Variants in SMARCC2 observed in about 807,000 individuals in gnomAD.
SMARCC2 encodes SWI/SNF complex subunit SMARCC2.
A neutral mutation model predicts 151.3 loss-of-function variants in SMARCC2; 15 were observed. That is an observed-to-expected ratio of 0.10 (90% CI 0.07 to 0.15). The LOEUF (loss-of-function observed/expected upper bound fraction) is 0.15. SMARCC2 is among the 10% of genes least tolerant of loss of function. The pLI, the probability that SMARCC2 is intolerant of heterozygous loss-of-function variation, is 1.00. For synonymous variants in SMARCC2, 590 were observed against 609.5 expected (o/e 0.97, Z 0.47); for missense variants, 1,031 against 1,599.7 (o/e 0.64, Z 6.06).
At chr12:56,181,680 GA>G in intron 9 of SMARCC2, 23 bp downstream of exon 9, 1 of 1,613,962 alleles carries the variant, frequency 6.2e-7, no homozygotes, top group Non-Finnish European at 8.5e-7. Context: ...AGGGCGCCAG[GA>G]AAAAAAGAAC....
intron 20 of SMARCC2, chr12:56,172,152 G>A (rs1874067855): frequency 1.8e-6 from 1 of 564,914 alleles, no homozygotes; most frequent in Non-Finnish European, 3.1e-6. Context: ...TGGTCCTGAA[G>A]CTCACTGGAG....
intron 17 of SMARCC2, 91 bp downstream of exon 17, chr12:56,173,605 C>G: frequency 8.2e-7 from 1 of 1,213,450 alleles, no homozygotes; most frequent in Non-Finnish European, 1.2e-6. Context: ...TCAAAACACT[C>G]CTGAACCATT....
At chr12:56,173,194 T>G (rs922516643) in intron 17 of SMARCC2, among the ~76,000 whole-genome samples, 165 bp from the exon 18 acceptor site, 2 of 152,220 alleles carry the variant, frequency 1.3e-5, no homozygotes, top group Admixed American at 6.5e-5. Context: ...TGGCATGATA[T>G]CCATACATAT....
At chr12:56,174,595 C>T in intron 16 of SMARCC2, 56 bp downstream of exon 16, 2 of 1,149,806 alleles carry the variant, frequency 1.7e-6, no homozygotes, top group Middle Eastern at 2.7e-4. Context: ...GTTGCCAAAA[C>T]ACATCCATAG....
rs1483267800 is a variant in SMARCC2 at position 56,177,885 on chromosome 12, C to A, written c.1382+137G>T. Reference sequence around the variant, plus strand: ...GGGCTGCCTAAAGGCAGATATTGTGCCTTTGTAAGCCTAGCATAGTGCCTG... The same window carrying A: ...GGGCTGCCTAAAGGCAGATATTGTGACTTTGTAAGCCTAGCATAGTGCCTG... On this transcript the variant is annotated intron_variant, in intron 15 of 28. Transcript: ENST00000550164. The A allele has an allele frequency of 7.9e-6, 5 of 631,070 alleles. No individual in the cohort carries two copies. The East Asian group carries it at 1.1e-4, about 14-fold the overall frequency. 39.1% of individuals were successfully genotyped at this position (631,070 alleles called of 1,614,324 possible).
Position 56,171,656 on chromosome 12 carries a change from G to A in SMARCC2, c.2185+23C>T, listed in dbSNP as rs771910567. 2.2e-5 allele frequency: 34 copies of A among 1,526,716 alleles called. No homozygotes were observed. The Middle Eastern group carries it at 9.8e-4, about 44-fold the overall frequency. The allele number at this position is 1,526,716 out of a possible 1,614,324, so 94.6% of individuals were successfully genotyped here. ...TTCAAAAGCAAACTAAGAAGGCCAG[G>A]TGGAACCACCCACCCCCATTACCTA... On this transcript the variant is annotated intron_variant, in intron 21 of 28. Coordinates refer to ENST00000550164, the MANE Select transcript of SMARCC2 (RefSeq NM_001330288.2). The surrounding 1 kb of genome is among the most constrained non-coding windows in gnomAD (Gnocchi z 4.2).
In SMARCC2 at chr12:56,165,379, TTGC is replaced by T; in HGVS notation, c.3168_3170del (p.Gln1057del). 2 of 1,505,094 alleles carry T rather than the reference TTGC, an allele frequency of 1.3e-6. No individual in the cohort carries two copies. Among genetic ancestry groups the T allele is most frequent in the Non-Finnish European group, 8.9e-7 (1 of 1,129,712 alleles). The allele number at this position is 1,505,094 out of a possible 1,614,324, so 93.2% of individuals were successfully genotyped here. On this transcript the variant is annotated inframe_deletion, in exon 27 of 29. Transcript: ENST00000550164. Reference sequence around the variant, plus strand: ...CCCCAGGCTGGGGGGCTCCAGCTGGTTGCTGCTGCTGTGGCCCTGCAGTTGACC... The same window carrying T: ...CCCCAGGCTGGGGGGCTCCAGCTGGTTGCTGCTGTGGCCCTGCAGTTGACC...
chr12:56,168,850 C>T (rs1873353089), intron 25 of SMARCC2, among the ~76,000 whole-genome samples: 2 of 151,916 alleles, frequency 1.3e-5, no homozygotes, highest in African/African-American at 2.4e-5. Flanking sequence ...CATGCTGGCA[C>T]GTGCCTGTAA....
chr12:56,181,209 T>A, intron 10 of SMARCC2, 108 bp from the exon 11 acceptor site: 4 of 1,133,598 alleles, frequency 3.5e-6, no homozygotes, highest in Non-Finnish European at 5.1e-6. Context: ...AGGGTAGAGC[T>A]GAGTACAAAC....
At chr12:56,185,877 A>G (rs1356601981) in intron 3 of SMARCC2, 1 of 431,876 alleles carries the variant, frequency 2.3e-6, no homozygotes, top group Non-Finnish European at 4.1e-6. Flanking sequence ...TCCATGAATC[A>G]CTCTCTGTGC....
In SMARCC2 at chr12:56,164,283, C is replaced by A; in HGVS notation, c.3661+20G>T. ...TGGACCCCTCTCCCTCACCCTTCTC[C>A]CCTCTTGGCCCCTTCTCACCTGGCA... On this transcript the variant is annotated intron_variant, in intron 28 of 28. Transcript: ENST00000550164. 1 of 1,609,302 alleles carries A rather than the reference C, an allele frequency of 6.2e-7. No individual in the cohort carries two copies. Among genetic ancestry groups the A allele is most frequent in the East Asian group, 2.2e-5 (1 of 44,884 alleles).
intron 26 of SMARCC2, among the ~76,000 whole-genome samples, chr12:56,167,418 G>T (rs546135698): frequency 1.1e-3 from 172 of 152,280 alleles, no homozygotes; most frequent in Middle Eastern, 3.4e-3. Context: ...ACCCAGGCTG[G>T]TCTTGAACTC....
At chr12:56,172,914 A>G in intron 18 of SMARCC2, 23 bp downstream of exon 18, 2 of 1,608,644 alleles carry the variant, frequency 1.2e-6, no homozygotes, top group Non-Finnish European at 8.5e-7. Context: ...TGAGCAGCCC[A>G]GCAGGGTCTG....
At chr12:56,188,095 GAA>G (rs967284442) in intron 1 of SMARCC2, among the ~76,000 whole-genome samples, 25 of 152,150 alleles carry the variant, frequency 1.6e-4, no homozygotes, top group African/African-American at 6.0e-4. Context: ...AGTGAGAGGT[GAA>G]AAGAGATAGA....
At chr12:56,174,090 C>T (rs529230169) in intron 16 of SMARCC2, among the ~76,000 whole-genome samples, 2 of 152,294 alleles carry the variant, frequency 1.3e-5, no homozygotes, top group East Asian at 1.9e-4. Context: ...ACCTACCTAC[C>T]GAACATTTCT....
intron 16 of SMARCC2, 33 bp from the exon 17 acceptor site, chr12:56,173,882 G>A (rs573552033): frequency 2.6e-5 from 42 of 1,589,436 alleles, no homozygotes; most frequent in South Asian, 1.7e-4. Context: ...AGGGTCACAC[G>A]GATAGCCAGA....
rs1420426365 is a variant in SMARCC2, at chr12:56,168,498, C to T, written c.2716-304G>A. 2.6e-5 allele frequency among the ~76,000 whole-genome samples: 4 copies of T among 151,950 alleles called. No individual in the cohort carries two copies. In the East Asian group the frequency reaches 5.8e-4, roughly 22 times the overall value. On this transcript the variant is annotated intron_variant, in intron 25 of 28. Transcript: ENST00000550164. Reference sequence around the variant, plus strand: ...CAAGCAATTCTCGTGCCTTTGCCTCCCCAGTACCTGGGATTACAGACATGC... The same window carrying T: ...CAAGCAATTCTCGTGCCTTTGCCTCTCCAGTACCTGGGATTACAGACATGC...
intron 25 of SMARCC2, among the ~76,000 whole-genome samples, chr12:56,169,048 G>T (rs1323139585): frequency 2.0e-5 from 3 of 152,040 alleles, no homozygotes; most frequent in Non-Finnish European, 4.4e-5. Context: ...AATTCCAGCA[G>T]TTTGGGAGGC....
At chr12:56,180,647 G>A (rs1592313555) in intron 11 of SMARCC2, among the ~76,000 whole-genome samples, 2 of 151,752 alleles carry the variant, frequency 1.3e-5, no homozygotes, top group South Asian at 2.1e-4. Context: ...CAGGTGATCC[G>A]CCCGCCTCGG....
Sources: allele counts gnomAD v4.1 joint callset (sites outside exome capture counted in the v4.1 genomes callset), GRCh38; gene constraint gnomAD v4.1.1; non-coding constraint Gnocchi (gnomAD v3.1); transcripts MANE v1.5; gene names NCBI Gene and HGNC (gene_info 2026-07-23, HGNC 2026-07-21).